Variants in CD109 observed in about 807,000 individuals in gnomAD.
The protein encoded by CD109 is CD109 molecule.
A neutral mutation model predicts 165.8 loss-of-function variants in CD109; 149 were observed. The ratio of observed to expected loss-of-function variants is 0.90; its 90% CI spans 0.79 to 1.03. The LOEUF (loss-of-function observed/expected upper bound fraction) is 1.03. CD109 is among the 50% of genes least tolerant of loss of function. The pLI, the probability that CD109 is intolerant of heterozygous loss-of-function variation, is 0.00. For missense variants in CD109, 1,712 were observed against 1,677.8 expected, an observed-to-expected ratio of 1.02 and a Z score of -0.36; for synonymous variants, 585 against 592.1, an observed-to-expected ratio of 0.99 and a Z score of 0.18.
At chr6:73,782,792 T>C (rs1774554675) in intron 18 of CD109, 37 bp downstream of exon 18, 1 of 1,598,624 alleles carries the variant, frequency 6.3e-7, no homozygotes, top group Admixed American at 1.7e-5. Context: ...ATACATATTT[T>C]GTTTAGTGTT....
intron 32 of CD109, 31 bp from the exon 33 acceptor site, chr6:73,823,427 C>T (rs771027124): frequency 2.1e-5 from 32 of 1,550,374 alleles, no homozygotes; most frequent in Non-Finnish European, 2.5e-5. Flanking sequence ...ACAAGGGAGC[C>T]GTGTGAACTG....
rs771584800 is a variant in CD109, at chr6:73,820,481, TG to T, written c.4081del (p.Val1361LeufsTer6). ...LDSVNETQFC[V>X]NIPAVRNFKV... is the part of the protein sequence containing the mutation. ...TCAAGGTAAATGAAACCCAGTTTTG[TG>T]TTAATATTCCTGCTGTGAGAAACTT... On this transcript the variant is annotated frameshift_variant, in exon 32 of 33. Coordinates refer to ENST00000287097, the MANE Select transcript of CD109 (RefSeq NM_133493.5). LOFTEE classifies it high-confidence loss of function. 4 of 1,609,694 alleles carry T rather than the reference TG, an allele frequency of 2.5e-6. No individual in the cohort carries two copies. The South Asian group carries it at 4.4e-5, about 18-fold the overall frequency.
chr6:73,763,104 C>T (rs140490445), intron 9 of CD109, among the ~76,000 whole-genome samples: 97 of 152,270 alleles, frequency 6.4e-4, no homozygotes, highest in African/African-American at 2.1e-3. Flanking sequence ...GATAGCTCTT[C>T]TTAATTTTTT....
At chr6:73,810,704 A>C (rs183333213) in intron 27 of CD109, among the ~76,000 whole-genome samples, 11 of 152,232 alleles carry the variant, frequency 7.2e-5, no homozygotes, top group African/African-American at 2.6e-4. Flanking sequence ...CATTGTATCT[A>C]TATATAAGCA....
At chr6:73,820,369 GT>G in intron 31 of CD109, 91 bp from the exon 32 acceptor site, 1 of 656,424 alleles carries the variant, frequency 1.5e-6, no homozygotes, top group African/African-American at 1.9e-5. Context: ...GTTAGTCTCT[GT>G]TTCCTAAAAT....
intron 2 of CD109, among the ~76,000 whole-genome samples, chr6:73,701,517 T>C (rs1771077319): frequency 6.6e-6 from 1 of 152,124 alleles, no homozygotes; most frequent in African/African-American, 2.4e-5. Flanking sequence ...GTGAAAGGAG[T>C]TCCTTGCCAA....
upstream of CD109, among the ~76,000 whole-genome samples, chr6:73,691,972 CA>C (rs1250312031): frequency 6.6e-6 from 1 of 152,100 alleles, no homozygotes; most frequent in East Asian, 1.9e-4. Flanking sequence ...TTAACATTGC[CA>C]AAGTATGGCA....
rs144404554 is a variant in CD109, at chr6:73,805,088, G to A, written c.2961-1756G>A. 5.6e-4 allele frequency among the ~76,000 whole-genome samples: 85 copies of A among 152,344 alleles called. 1 individual carries two copies. The highest frequency in any genetic ancestry group is 2.0e-3 in the African/African-American group (82 of 41,576). On this transcript the variant is annotated intron_variant, in intron 24 of 32. Transcript: ENST00000287097. ...TAGTTCAACCATTGTGGAAGACAGTGTGGTGATTCCTCAAGGATCTAGAAC... is the reference window on the plus strand; with the variant it reads ...TAGTTCAACCATTGTGGAAGACAGTATGGTGATTCCTCAAGGATCTAGAAC...
intron 5 of CD109, among the ~76,000 whole-genome samples, chr6:73,753,563 C>T (rs1773275040): frequency 6.6e-6 from 1 of 152,144 alleles, no homozygotes; most frequent in Non-Finnish European, 1.5e-5. Context: ...CTTGGGAAGA[C>T]ATTGTGTAGT....
intron 2 of CD109, among the ~76,000 whole-genome samples, chr6:73,704,327 T>G (rs912396457): frequency 1.3e-5 from 2 of 152,178 alleles, no homozygotes; most frequent in Non-Finnish European, 2.9e-5. Context: ...GTGAGTAGCA[T>G]GCCCCTGCAA....
chr6:73,700,790 GTTTTTTTTTTT>G (rs58140668), intron 2 of CD109, among the ~76,000 whole-genome samples: 21 of 51,452 alleles, frequency 4.1e-4, no homozygotes, highest in South Asian at 1.5e-3. Flanking sequence ...ATTGATTGTA[GTTTTTTTTTTT>G]TTTTTTTTTT....
At chr6:73,748,046 T>C (rs1314428039) in intron 5 of CD109, among the ~76,000 whole-genome samples, 1 of 152,068 alleles carries the variant, frequency 6.6e-6, no homozygotes, top group Non-Finnish European at 1.5e-5. Context: ...ATTTTTGTAT[T>C]TTTTGTAGAG....
At position 73,826,754 on chromosome 6, in the gene CD109, G is replaced by C. The variant is rs188052183; in HGVS notation, c.*3121G>C. 25 of 151,708 alleles carry C rather than the reference G, an allele frequency of 1.6e-4. No homozygotes were observed. The highest frequency in any genetic ancestry group is 1.5e-3 in the Admixed American group (23 of 15,234). The allele number at this position is 151,708 out of a possible 1,614,324, so 9.4% of individuals were successfully genotyped here. On this transcript the variant is annotated 3_prime_UTR_variant, in exon 33 of 33. Coordinates refer to ENST00000287097, the MANE Select transcript of CD109 (RefSeq NM_133493.5). ...GATATATTTCTGTTACCTAGGAGATGTTACTTACATATGTAATACTGTATC... is the reference window on the plus strand; with the variant it reads ...GATATATTTCTGTTACCTAGGAGATCTTACTTACATATGTAATACTGTATC...
At chr6:73,750,735 T>A (rs1773157618) in intron 5 of CD109, among the ~76,000 whole-genome samples, 1 of 152,208 alleles carries the variant, frequency 6.6e-6, no homozygotes, top group African/African-American at 2.4e-5. Context: ...TTCCTATTCT[T>A]ACTTAACATA....
chr6:73,758,601 C>G (rs1773490694), intron 6 of CD109, among the ~76,000 whole-genome samples: 1 of 152,066 alleles, frequency 6.6e-6, no homozygotes, highest in Non-Finnish European at 1.5e-5. Flanking sequence ...CCAGGCTGGT[C>G]TTGAACTCCT....
intron 4 of CD109, among the ~76,000 whole-genome samples, chr6:73,734,604 A>G (rs1279134967): frequency 1.3e-5 from 2 of 152,196 alleles, no homozygotes; most frequent in African/African-American, 4.8e-5. Flanking sequence ...GAGTTTACCA[A>G]GGATACAGTG....
intron 2 of CD109, among the ~76,000 whole-genome samples, chr6:73,700,790 GTTTTTTTTTTTTTTTT>G (rs58140668): frequency 5.8e-5 from 3 of 51,478 alleles, no homozygotes; most frequent in South Asian, 7.3e-4. Flanking sequence ...ATTGATTGTA[GTTTTTTTTTTTTTTTT>G]TTTTTTTTTT....
At chr6:73,689,233 C>G in the CD109 span, among the ~76,000 whole-genome samples, 2 of 152,092 alleles carry the variant, frequency 1.3e-5, no homozygotes, top group Non-Finnish European at 2.9e-5. Context: ...TTAACCAAAC[C>G]CAAGGATGGG....
At chr6:73,765,727 G>A (rs762686428) in intron 10 of CD109, among the ~76,000 whole-genome samples, 2 of 152,112 alleles carry the variant, frequency 1.3e-5, no homozygotes, top group African/African-American at 4.8e-5. Flanking sequence ...TTGGAGCCGC[G>A]GAAGTTAAGG....
Sources: gnomAD v4.1 joint callset for allele counts (sites outside exome capture counted in the v4.1 genomes callset) on GRCh38, gnomAD v4.1.1 for gene constraint, MANE v1.5 for transcripts, NCBI Gene and HGNC (gene_info 2026-07-23, HGNC 2026-07-21) for gene names.